The following LRRIQ1 variants were observed in gnomAD, a reference collection of about 807,000 sequenced individuals.
LRRIQ1 encodes leucine-rich repeat- and IQ domain-containing protein 1.
In LRRIQ1, 210 loss-of-function variants were observed where a neutral mutation model predicts 211.9. The ratio of observed to expected loss-of-function variants is 0.99; its 90% confidence interval spans 0.89 to 1.11. The LOEUF (loss-of-function observed/expected upper bound fraction) is 1.11, where lower values mean the gene tolerates loss of function less well. LRRIQ1 is among the 50% of genes most tolerant of loss of function. LRRIQ1 has a pLI of 0.00. For missense variants in LRRIQ1, 2,136 were observed against 1,939.5 expected (o/e 1.10, Z -1.90); for synonymous variants, 699 against 650.1 (o/e 1.08, Z -1.14).
intron 17 of LRRIQ1, among the ~76,000 whole-genome samples, chr12:85,125,067 T>G (rs1435877920): frequency 6.6e-6 from 1 of 151,506 alleles, no homozygotes; most frequent in Non-Finnish European, 1.5e-5. Flanking sequence ...TAGTCCCAGC[T>G]ACTTGGGAGG....
At chr12:85,196,990 A>G (rs1303663518) in intron 24 of LRRIQ1, among the ~76,000 whole-genome samples, 1 of 151,222 alleles carries the variant, frequency 6.6e-6, no homozygotes, top group Non-Finnish European at 1.5e-5. Context: ...AGAAAAAAAC[A>G]AACAACCCCA....
At chr12:85,254,530 A>G (rs1896034271) in intron 1 of LRRIQ1, among the ~76,000 whole-genome samples, 1 of 152,052 alleles carries the variant, frequency 6.6e-6, no homozygotes, top group Admixed American at 6.6e-5. Flanking sequence ...ATGTATTATA[A>G]TGTCCTTGCT....
intron 24 of LRRIQ1, among the ~76,000 whole-genome samples, chr12:85,195,686 A>G (rs914619004): frequency 5.9e-5 from 9 of 151,670 alleles, no homozygotes; most frequent in African/African-American, 2.2e-4. Context: ...CAAAATAATA[A>G]GAGCTATCTA....
At chr12:85,159,780 G>A (rs77271241) in intron 23 of LRRIQ1, among the ~76,000 whole-genome samples, 2,681 of 151,676 alleles carry the variant, frequency 0.018, 78 homozygotes, top group African/African-American at 0.062. Context: ...TGACTTAGAT[G>A]ATATATAATA....
At chr12:85,245,569 A>C (rs1895680577), downstream of LRRIQ1, among the ~76,000 whole-genome samples, 1 of 150,118 alleles carries the variant, frequency 6.7e-6, no homozygotes, top group South Asian at 2.1e-4. Flanking sequence ...GATTTCAACA[A>C]GAATTATATT....
intron 1 of LRRIQ1, among the ~76,000 whole-genome samples, chr12:85,260,381 TTAAC>T (rs1165274106): frequency 6.6e-6 from 1 of 152,036 alleles, no homozygotes; most frequent in East Asian, 1.9e-4. Context: ...ATCAAGAATA[TTAAC>T]TAACGAGAAA....
intron 24 of LRRIQ1, among the ~76,000 whole-genome samples, chr12:85,208,277 A>G (rs1267583565): frequency 2.6e-5 from 4 of 152,156 alleles, no homozygotes; most frequent in South Asian, 2.1e-4. Context: ...ACATATAGGT[A>G]TAGTAAGTTA....
At chr12:85,168,650 G>A (rs1422084894) in intron 24 of LRRIQ1, among the ~76,000 whole-genome samples, 3 of 152,100 alleles carry the variant, frequency 2.0e-5, no homozygotes, top group African/African-American at 7.2e-5. Flanking sequence ...CTGGACCTGT[G>A]AATCCTGGCT....
At chr12:85,133,730 C>T (rs1185292522) in intron 18 of LRRIQ1, among the ~76,000 whole-genome samples, 2 of 152,044 alleles carry the variant, frequency 1.3e-5, no homozygotes, top group Admixed American at 6.6e-5. Flanking sequence ...AGTGCTGTCT[C>T]TCCACTCAGA....
chr12:85,091,952 T>A (rs1185726456), intron 11 of LRRIQ1, among the ~76,000 whole-genome samples: 1 of 152,132 alleles, frequency 6.6e-6, no homozygotes, highest in South Asian at 2.1e-4. Flanking sequence ...TTTGTCTGTA[T>A]TTACAATGGC....
chr12:85,204,454 G>C (rs530185606), intron 24 of LRRIQ1, among the ~76,000 whole-genome samples: 1 of 152,170 alleles, frequency 6.6e-6, no homozygotes, highest in Non-Finnish European at 1.5e-5. Flanking sequence ...TGCACAGTGC[G>C]CCTGGAAAAG....
intron 23 of LRRIQ1, among the ~76,000 whole-genome samples, chr12:85,154,437 G>A (rs2136682876): frequency 6.6e-6 from 1 of 151,272 alleles, no homozygotes; most frequent in East Asian, 2.0e-4. Flanking sequence ...TTAGTCTTTT[G>A]CGTGCTTTTA....
intron 11 of LRRIQ1, among the ~76,000 whole-genome samples, chr12:85,093,554 A>G (rs976773601): frequency 3.9e-5 from 6 of 152,176 alleles, no homozygotes; most frequent in East Asian, 1.9e-4. Flanking sequence ...TTTTTGAGCT[A>G]TAAGAGCCAC....
At chr12:85,192,745 T>C (rs1202758513) in intron 24 of LRRIQ1, among the ~76,000 whole-genome samples, 1 of 98,652 alleles carries the variant, frequency 1.0e-5, no homozygotes, top group African/African-American at 4.6e-5. Flanking sequence ...ACTATAATTA[T>C]ATATAAATAT....
chr12:85,040,704 C>T (rs1270788286), intron 3 of LRRIQ1, 103 bp downstream of exon 3: 3 of 600,202 alleles, frequency 5.0e-6, no homozygotes, highest in African/African-American at 3.8e-5. Flanking sequence ...TCTTACTGTG[C>T]ACATGTGTAT....
At chr12:85,173,420 C>T (rs1891515510) in intron 24 of LRRIQ1, among the ~76,000 whole-genome samples, 1 of 152,108 alleles carries the variant, frequency 6.6e-6, no homozygotes, top group Non-Finnish European at 1.5e-5. Flanking sequence ...GTCTGGGTGC[C>T]TTAGAGAACA....
In LRRIQ1 at chr12:85,152,287, TAGA is replaced by T. The variant is rs1890294743; in HGVS notation, c.4345_4347del (p.Glu1449del). The stretch of plus-strand genomic sequence containing the variant: ...TTAATATTATTTGTGCAGGCTGCCT[TAGA>T]AGAAGAATGGCTAGCATTAGATTCC... On this transcript the variant is annotated inframe_deletion, in exon 20 of 27. Transcript: ENST00000393217. The T allele has an allele frequency of 6.2e-7, 1 of 1,609,120 alleles. No individual in the cohort carries two copies. The highest frequency in any genetic ancestry group is 2.2e-5 in the East Asian group (1 of 44,762).
intron 24 of LRRIQ1, among the ~76,000 whole-genome samples, chr12:85,166,521 T>C (rs888471670): frequency 2.7e-4 from 41 of 152,238 alleles, no homozygotes; most frequent in African/African-American, 9.9e-4. Flanking sequence ...ATTTCTTTTG[T>C]GATACTTTTT....
At chr12:85,189,620 A>G (rs1565892164) in intron 24 of LRRIQ1, among the ~76,000 whole-genome samples, 1 of 151,810 alleles carries the variant, frequency 6.6e-6, no homozygotes, top group East Asian at 1.9e-4. Context: ...CATGAAAAGT[A>G]TAACAATATA....
Sources: gnomAD v4.1 joint callset for allele counts (sites outside exome capture counted in the v4.1 genomes callset) on GRCh38, gnomAD v4.1.1 for gene constraint, MANE v1.5 for transcripts, NCBI Gene and HGNC (gene_info 2026-07-23, HGNC 2026-07-21) for gene names.